Variants in AKAP9 observed in about 807,000 individuals in gnomAD.
AKAP9 encodes the protein A-kinase anchoring protein 9, also known as A-kinase anchor protein 9.
AKAP9 carries 311 observed loss-of-function variants against 488.5 expected under a neutral mutation model. The ratio of observed to expected loss-of-function variants is 0.64; its 90% CI spans 0.58 to 0.70. AKAP9 has a LOEUF of 0.70. AKAP9 is among the 30% of genes least tolerant of loss of function. The pLI is 0.00. For synonymous variants in AKAP9, 1,462 were observed against 1,483.5 expected, an observed-to-expected ratio of 0.99 and a Z score of 0.33; for missense variants, 4,215 against 4,374.5, an observed-to-expected ratio of 0.96 and a Z score of 1.03.
intron 28 of AKAP9, among the ~76,000 whole-genome samples, chr7:92,072,804 G>A (rs1180828372): frequency 6.6e-6 from 1 of 152,076 alleles, no homozygotes; most frequent in Non-Finnish European, 1.5e-5. Context: ...GTTTTGTTGA[G>A]GCCTATCTAA....
chr7:92,043,342 A>G (rs1806422137), intron 20 of AKAP9: 2 of 984,678 alleles, frequency 2.0e-6, no homozygotes, highest in Admixed American at 6.2e-5. Flanking sequence ...TCAGTATGGA[A>G]CGCAGTCAGT....
At chr7:92,003,993 G>C (rs1799492135) in intron 8 of AKAP9, among the ~76,000 whole-genome samples, 1 of 152,170 alleles carries the variant, frequency 6.6e-6, no homozygotes. Context: ...CAACAAGAGA[G>C]AGGTTTCTGG....
At chr7:91,978,513 A>T (rs1446911576) in intron 2 of AKAP9, among the ~76,000 whole-genome samples, 1 of 152,088 alleles carries the variant, frequency 6.6e-6, no homozygotes, top group Non-Finnish European at 1.5e-5. Context: ...GAAAATTTGG[A>T]TTTGTTCCTT....
At chr7:92,042,612 A>G in intron 19 of AKAP9, 56 bp from the exon 20 acceptor site, 1 of 1,269,366 alleles carries the variant, frequency 7.9e-7, no homozygotes, top group South Asian at 1.2e-5. Flanking sequence ...GCTGTTTCCA[A>G]GTTGACAGGT....
chr7:92,008,868 C>T (rs1279688224), intron 8 of AKAP9, among the ~76,000 whole-genome samples: 1 of 150,854 alleles, frequency 6.6e-6, no homozygotes, highest in Admixed American at 6.6e-5. Context: ...CACCTGTAGT[C>T]TCAGCTACTC....
At chr7:92,012,757 C>A in intron 9 of AKAP9, 115 bp downstream of exon 9, 1 of 846,716 alleles carries the variant, frequency 1.2e-6, no homozygotes, top group Non-Finnish European at 1.9e-6. Flanking sequence ...ATTTGTTTAC[C>A]AGTTGTTGAT....
At position 92,070,185 on chromosome 7, in the gene AKAP9, G is replaced by T; in HGVS notation, c.6486G>T (p.Val2162=). The T allele has an allele frequency of 1.2e-6, 2 of 1,614,038 alleles. No individual in the cohort carries two copies. The highest frequency in any genetic ancestry group is 1.1e-5 in the South Asian group (1 of 91,056). Residue 2162 remains valine (V), a synonymous_variant, in exon 27 of 50, where the codon GTG becomes GTT. Transcript: ENST00000356239. ...GAGAACTGGAGCAGGCGCTTCTTGT[G>T]AGTGCAGATACTTTTCAAAAGGTGT... The part of the protein sequence containing the change: ...RVRELEQALL[V]SADTFQKVED...
intron 3 of AKAP9, among the ~76,000 whole-genome samples, chr7:91,985,334 A>C (rs967887790): frequency 6.6e-6 from 1 of 152,110 alleles, no homozygotes; most frequent in Non-Finnish European, 1.5e-5. Flanking sequence ...AGGCTGTGGA[A>C]TTTTGTTAAA....
intron 7 of AKAP9, among the ~76,000 whole-genome samples, chr7:91,996,914 C>A (rs1265731870): frequency 1.3e-5 from 2 of 152,086 alleles, no homozygotes; most frequent in African/African-American, 4.8e-5. Context: ...TGAATCATCA[C>A]CATAGGCCTG....
chr7:92,051,197 C>T (rs1487166339), intron 21 of AKAP9, among the ~76,000 whole-genome samples: 1 of 152,188 alleles, frequency 6.6e-6, no homozygotes, highest in Admixed American at 6.5e-5. Flanking sequence ...ACCACTATTT[C>T]TCCATGTCCC....
At position 92,002,120 on chromosome 7, in the gene AKAP9, GA is replaced by G. The variant is rs1799248815; in HGVS notation, c.2208del (p.Glu737LysfsTer19). 1 of 1,591,226 alleles carries G rather than the reference GA, an allele frequency of 6.3e-7. No individual in the cohort carries two copies. The highest frequency in any genetic ancestry group is 8.5e-7 in the Non-Finnish European group (1 of 1,173,780). Reference sequence around the variant, plus strand: ...AGAAATTGAAATACTCAGACAAGAAGAAAAAGAAAAGGGTACACTTGAACAA... The same window carrying G: ...AGAAATTGAAATACTCAGACAAGAAGAAAAGAAAAGGGTACACTTGAACAA... ...QKEIEILRQE[E>X]KEKGTLEQEV... On this transcript the variant is annotated frameshift_variant, in exon 8 of 50. Coordinates refer to ENST00000356239, the MANE Select transcript of AKAP9 (RefSeq NM_005751.5). LOFTEE classifies it high-confidence loss of function.
intron 22 of AKAP9, among the ~76,000 whole-genome samples, chr7:92,055,920 C>T (rs1455379765): frequency 6.6e-6 from 1 of 151,860 alleles, no homozygotes; most frequent in Admixed American, 6.6e-5. Flanking sequence ...GTGTAAGCTT[C>T]TTACCTTGAC....
intron 8 of AKAP9, among the ~76,000 whole-genome samples, chr7:92,011,720 G>A (rs1800769499): frequency 6.6e-6 from 1 of 152,130 alleles, no homozygotes. Context: ...TAATATATAG[G>A]AAAGAGACCC....
intron 28 of AKAP9, among the ~76,000 whole-genome samples, chr7:92,072,829 G>A (rs138412485): frequency 3.0e-3 from 451 of 152,300 alleles, no homozygotes; most frequent in Non-Finnish European, 5.1e-3. Flanking sequence ...ACAGTACTAA[G>A]TATTTAAATG....
intron 3 of AKAP9, among the ~76,000 whole-genome samples, chr7:91,982,577 T>A (rs887152674): frequency 6.6e-6 from 1 of 152,186 alleles, no homozygotes; most frequent in Non-Finnish European, 1.5e-5. Context: ...ACATTTTCTT[T>A]ATCCAGTCTA....
chr7:92,044,957 T>A, intron 20 of AKAP9, 51 bp from the exon 21 acceptor site: 1 of 1,461,570 alleles, frequency 6.8e-7, no homozygotes, highest in Non-Finnish European at 9.6e-7. Context: ...AAGCAAAGTG[T>A]TTGCTTCAAA....
At chr7:92,068,348 A>G (rs1320237980) in intron 26 of AKAP9, among the ~76,000 whole-genome samples, 1 of 147,608 alleles carries the variant, frequency 6.8e-6, no homozygotes, top group Non-Finnish European at 1.5e-5. Flanking sequence ...CCTTGGGGAC[A>G]GAGCAAGACT....
intron 31 of AKAP9, among the ~76,000 whole-genome samples, chr7:92,081,911 T>C (rs563934549): frequency 6.6e-6 from 1 of 152,322 alleles, no homozygotes; most frequent in South Asian, 2.1e-4. Context: ...CCCTGGCTTT[T>C]TCCTCCTTCA....
rs189583467 is a variant in AKAP9 at position 92,027,732 on chromosome 7, G to A, written c.4149-2163G>A. On this transcript the variant is annotated intron_variant, in intron 14 of 49. Coordinates refer to ENST00000356239, the MANE Select transcript of AKAP9 (RefSeq NM_005751.5). ...ATGTGAGGAGCGCCTCTGCCTGGCC[G>A]CTGTGCAATCTTCCAAGTGTGAAGT... Among the ~76,000 whole-genome samples the A allele has an allele frequency of 2.8e-3, 418 of 149,762 alleles. 1 individual carries two copies. Among genetic ancestry groups the A allele is most frequent in the African/African-American group, 9.8e-3 (386 of 39,270 alleles).
Sources: allele counts gnomAD v4.1 joint callset (sites outside exome capture counted in the v4.1 genomes callset), GRCh38; gene constraint gnomAD v4.1.1; transcripts MANE v1.5; gene names NCBI Gene and HGNC (gene_info 2026-07-23, HGNC 2026-07-21).